KIF5C: variants seen among roughly 807,000 people sequenced by gnomAD.
The protein encoded by KIF5C is kinesin heavy chain isoform 5C.
A neutral mutation model predicts 125.2 loss-of-function variants in KIF5C; 18 were observed. The ratio of observed to expected loss-of-function variants is 0.14; its 90% CI spans 0.10 to 0.21. The LOEUF is 0.21. Among genes scored for constraint, KIF5C ranks in the 10% least tolerant of loss-of-function variants. The pLI, the probability that KIF5C is intolerant of heterozygous loss-of-function variation, is 1.00. For missense variants in KIF5C, 780 were observed against 1,183.8 expected (o/e 0.66, Z 5.01); for synonymous variants, 405 against 434.0 (o/e 0.93, Z 0.83).
chr2:148,930,810 T>C (rs1682163254), intron 3 of KIF5C, among the ~76,000 whole-genome samples: 1 of 152,168 alleles, frequency 6.6e-6, no homozygotes, highest in Admixed American at 6.5e-5. Flanking sequence ...TAAGCAGGTC[T>C]TTCCCCTGAC....
chr2:149,013,051 C>T (rs559231561), intron 25 of KIF5C, among the ~76,000 whole-genome samples: 3 of 152,246 alleles, frequency 2.0e-5, no homozygotes, highest in Admixed American at 2.0e-4. Context: ...GAGGAAGGGC[C>T]TGGGCTTTGT....
chr2:148,912,559 C>T (rs1681383340), intron 1 of KIF5C, among the ~76,000 whole-genome samples: 3 of 152,226 alleles, frequency 2.0e-5, no homozygotes, highest in Admixed American at 2.0e-4. Flanking sequence ...ATCCTCTCAC[C>T]ACAGCCTCCT....
intron 19 of KIF5C, chr2:148,998,802 A>T (rs1341543083): frequency 1.8e-5 from 3 of 170,590 alleles, no homozygotes; most frequent in Non-Finnish European, 2.4e-5. Context: ...GCCCCAGTAG[A>T]TGGGGGGGAG....
chr2:148,926,728 A>T (rs1157904715), intron 2 of KIF5C, among the ~76,000 whole-genome samples: 3 of 151,960 alleles, frequency 2.0e-5, no homozygotes, highest in African/African-American at 7.3e-5. Flanking sequence ...AGCCCCCAAA[A>T]CCTGGAGTTT....
chr2:148,875,839 C>T (rs1681165618), intron 1 of KIF5C, 96 bp downstream of exon 1: 1 of 1,476,164 alleles, frequency 6.8e-7, no homozygotes, highest in Admixed American at 2.3e-5. Flanking sequence ...GCCGCCCCCT[C>T]GGACATTCCC....
At chr2:149,011,476 CT>C in intron 24 of KIF5C, 93 bp from the exon 25 acceptor site, 5 of 1,506,558 alleles carry the variant, frequency 3.3e-6, no homozygotes, top group Non-Finnish European at 4.5e-6. Flanking sequence ...AGAATTGTGA[CT>C]TTTAGTTGTC....
Position 149,025,798 on chromosome 2 carries a change from T to C in KIF5C, c.*2728T>C, listed in dbSNP as rs1055899486. ...GGGAACTAAAATATATAATGCCAAATGTGTTTTTGTCAATTACTAGAGAAT... is the reference window on the plus strand; with the variant it reads ...GGGAACTAAAATATATAATGCCAAACGTGTTTTTGTCAATTACTAGAGAAT... On this transcript the variant is annotated 3_prime_UTR_variant, in exon 26 of 26. Coordinates refer to ENST00000435030, the MANE Select transcript of KIF5C (RefSeq NM_004522.3). 2 of 152,624 alleles carry C rather than the reference T, an allele frequency of 1.3e-5. No homozygotes were observed. The highest frequency in any genetic ancestry group is 2.9e-5 in the Non-Finnish European group (2 of 68,044). 9.5% of individuals were successfully genotyped at this position (152,624 alleles called of 1,614,324 possible). A position where few individuals can be genotyped will look rare whatever the true frequency, so the allele number is the denominator to read the frequency against.
chr2:148,899,125 AT>A (rs148917266), intron 1 of KIF5C, among the ~76,000 whole-genome samples: 1 of 152,136 alleles, frequency 6.6e-6, no homozygotes, highest in South Asian at 2.1e-4. Context: ...ATTAAATAGT[AT>A]TTTTTTCAGA....
intron 1 of KIF5C, among the ~76,000 whole-genome samples, chr2:148,892,054 C>T (rs1402273125): frequency 2.6e-5 from 4 of 152,134 alleles, no homozygotes; most frequent in East Asian, 1.9e-4. Context: ...TCCCTCTTGC[C>T]ATTCTGCAAA....
chr2:149,000,500 G>T lies in KIF5C; in HGVS notation c.2288G>T (p.Arg763Ile). The T allele has an allele frequency of 6.4e-7, 1 of 1,569,174 alleles. No homozygotes were observed. The change falls in exon 20 of 26, where the codon AGA becomes ATA. Residue 763 changes from arginine to isoleucine, a missense_variant. By Grantham distance (97) the Arg-to-Ile change is moderately conservative. Coordinates refer to ENST00000435030, the MANE Select transcript of KIF5C (RefSeq NM_004522.3). ...AAGCTGAAAATAGAGGACCAAGAGAGAGAAATGAAGCTGGAAAAGCTCTTG... is the reference window on the plus strand; with the variant it reads ...AAGCTGAAAATAGAGGACCAAGAGATAGAAATGAAGCTGGAAAAGCTCTTG... ...YNKLKIEDQE[R>I]EMKLEKLLLL...
chr2:148,957,178 A>G (rs1179070722), intron 10 of KIF5C, among the ~76,000 whole-genome samples: 4 of 152,246 alleles, frequency 2.6e-5, no homozygotes, highest in Non-Finnish European at 5.9e-5. Context: ...AGGCTGAACA[A>G]TAAATGCACA....
intron 23 of KIF5C, among the ~76,000 whole-genome samples, chr2:149,009,032 C>A (rs1574834832): frequency 1.3e-5 from 2 of 148,346 alleles, no homozygotes; most frequent in East Asian, 2.0e-4. Context: ...CTCTGTCGCC[C>A]AGGCTGGAGT....
chr2:148,915,940 T>C (rs1681530284), intron 1 of KIF5C, among the ~76,000 whole-genome samples: 1 of 152,064 alleles, frequency 6.6e-6, no homozygotes, highest in South Asian at 2.1e-4. Context: ...GGAGCTAAAG[T>C]ATTGACCCCC....
chr2:148,947,151 C>T lies in KIF5C; in HGVS notation c.714+128C>T, dbSNP rs1682537600. The T allele has an allele frequency of 4.4e-6, 6 of 1,365,436 alleles. No individual in the cohort carries two copies. The Admixed American group carries it at 1.4e-4, about 33-fold the overall frequency. 84.6% of individuals were successfully genotyped at this position (1,365,436 alleles called of 1,614,324 possible). On this transcript the variant is annotated intron_variant, in intron 8 of 25. Coordinates refer to ENST00000435030, the MANE Select transcript of KIF5C (RefSeq NM_004522.3). Reference sequence around the variant, plus strand: ...GCTTTTAAAGTTTCTGAGGCTCTGCCAAGGTGTTATTACATTTAACCCTTT... The same window carrying T: ...GCTTTTAAAGTTTCTGAGGCTCTGCTAAGGTGTTATTACATTTAACCCTTT...
In KIF5C at chr2:148,876,816, G is replaced by C. The variant is rs1239125085; in HGVS notation, c.126+1073G>C. 6.6e-6 allele frequency among the ~76,000 whole-genome samples: 1 copy of C among 152,208 alleles called. No homozygotes were observed. Among genetic ancestry groups the C allele is most frequent in the East Asian group, 1.9e-4 (1 of 5,180 alleles). ...TATGCGAGCCGCGTGGGGAGGGACC[G>C]AGTTAATGGGAGCCTCCCGGTCCCC... On this transcript the variant is annotated intron_variant, in intron 1 of 25. Transcript: ENST00000435030. This position sits in a 1 kb window ranked among gnomAD's most constrained non-coding sequence, Gnocchi z 4.7.
In KIF5C at chr2:148,875,575, G is replaced by GGCCCCCCCCCCCC; in HGVS notation, c.-43_-42insGCCCCCCCCCCCC. On this transcript the variant is annotated 5_prime_UTR_variant, in exon 1 of 26. Transcript: ENST00000435030. ...TCCTCCCTCGTCGTTCCCGGCCCCG[G>GGCCCCCCCCCCCC]CCCCCCACCCATCCCCGTGCCCCCT... 8.6e-6 allele frequency: 6 copies of GGCCCCCCCCCCCC among 699,596 alleles called. No individual in the cohort carries two copies. The highest frequency in any genetic ancestry group is 3.0e-5 in the East Asian group (1 of 33,466). 43.3% of individuals were successfully genotyped at this position (699,596 alleles called of 1,614,324 possible). A position where few individuals can be genotyped will look rare whatever the true frequency, so the allele number is the denominator to read the frequency against.
At chr2:148,941,583 T>G (rs1435313432) in intron 4 of KIF5C, 27 bp from the exon 5 acceptor site, 2 of 1,553,616 alleles carry the variant, frequency 1.3e-6, no homozygotes, top group South Asian at 1.2e-5. Flanking sequence ...GGCATGTCTA[T>G]TCCAAGCTCA....
chr2:148,880,462 C>G (rs975016467), intron 1 of KIF5C, among the ~76,000 whole-genome samples: 1 of 152,188 alleles, frequency 6.6e-6, no homozygotes, highest in African/African-American at 2.4e-5. Context: ...CTGCTATAAA[C>G]CTTTGCATAT....
At chr2:148,925,407 GA>G (rs897657788) in intron 2 of KIF5C, among the ~76,000 whole-genome samples, 6 of 151,846 alleles carry the variant, frequency 4.0e-5, no homozygotes, top group Admixed American at 2.0e-4. Flanking sequence ...TGACTCTGAA[GA>G]AAAAAAATAT....
Sources: gnomAD v4.1 joint callset for allele counts (sites outside exome capture counted in the v4.1 genomes callset) on GRCh38, gnomAD v4.1.1 for gene constraint, Gnocchi (gnomAD v3.1) non-coding constraint, MANE v1.5 for transcripts, NCBI Gene and HGNC (gene_info 2026-07-23, HGNC 2026-07-21) for gene names.